SPATA22: variants seen among roughly 807,000 people sequenced by gnomAD.
SPATA22 encodes spermatogenesis associated 22, also known as spermatogenesis-associated protein 22.
SPATA22 carries 29 observed loss-of-function variants against 47.8 expected under a neutral mutation model. The ratio of observed to expected loss-of-function variants is 0.61; its 90% confidence interval spans 0.45 to 0.83. The LOEUF (loss-of-function observed/expected upper bound fraction) is 0.83. Among genes scored for constraint, SPATA22 ranks in the 40% least tolerant of loss-of-function variants. SPATA22 has a pLI of 0.00. For synonymous variants in SPATA22, 133 were observed against 140.9 expected, an observed-to-expected ratio of 0.94 and a Z score of 0.40; for missense variants, 410 against 421.7, an observed-to-expected ratio of 0.97 and a Z score of 0.24.
At chr17:3,467,246 G>T (rs1416201493) in intron 3 of SPATA22, among the ~76,000 whole-genome samples, 180 bp downstream of exon 3, 1 of 152,134 alleles carries the variant, frequency 6.6e-6, no homozygotes, top group Non-Finnish European at 1.5e-5. Flanking sequence ...AGCCACCCTT[G>T]TAGATAAGGA....
At chr17:3,471,872 C>G (rs73305600), upstream of SPATA22, 1 of 985,144 alleles carries the variant, frequency 1.0e-6, no homozygotes, top group Non-Finnish European at 1.2e-6. Flanking sequence ...GCCACCTCGG[C>G]GCGATGGCAT....
intron 7 of SPATA22, among the ~76,000 whole-genome samples, chr17:3,443,887 G>A (rs2072654741): frequency 6.6e-6 from 1 of 151,706 alleles, no homozygotes; most frequent in Non-Finnish European, 1.5e-5. Context: ...GTGTGTGTAA[G>A]AGCACCTACA....
chr17:3,470,490 C>T (rs1388534173), intron 1 of SPATA22, among the ~76,000 whole-genome samples: 1 of 152,136 alleles, frequency 6.6e-6, no homozygotes, highest in African/African-American at 2.4e-5. Context: ...TGGCTCACGC[C>T]TGTAATCCCA....
rs184244995 is a variant in SPATA22 at position 3,505,919 on chromosome 17, G to A, written c.-74+7493C>T. 7.9e-5 allele frequency among the ~76,000 whole-genome samples: 12 copies of A among 152,136 alleles called. No individual in the cohort carries two copies. The East Asian group carries it at 2.3e-3, about 29-fold the overall frequency. On this transcript the variant is annotated intron_variant, in intron 1 of 8. Coordinates refer to the SPATA22 transcript ENST00000541913. ...ATTACAGGCATGCGCCAGCAAGCCT[G>A]GCTAATTTTTATATTTTTAGTAGAG...
intron 1 of SPATA22, among the ~76,000 whole-genome samples, chr17:3,478,845 C>T (rs1329565024): frequency 2.0e-5 from 3 of 152,182 alleles, no homozygotes; most frequent in African/African-American, 7.2e-5. Flanking sequence ...GTGAAAATCA[C>T]CCTAGAACCT....
chr17:3,474,393 A>G (rs1451803317), upstream of SPATA22, among the ~76,000 whole-genome samples: 1 of 152,232 alleles, frequency 6.6e-6, no homozygotes, highest in Non-Finnish European at 1.5e-5. Context: ...GGACAGAACA[A>G]ACTACAAATC....
At chr17:3,444,100 T>C (rs993789178) in intron 7 of SPATA22, among the ~76,000 whole-genome samples, 1 of 152,030 alleles carries the variant, frequency 6.6e-6, no homozygotes, top group African/African-American at 2.4e-5. Flanking sequence ...CAAATTGTAA[T>C]TCATGTTTAT....
At chr17:3,509,344 G>A (rs1163930720) in intron 1 of SPATA22, among the ~76,000 whole-genome samples, 1 of 152,008 alleles carries the variant, frequency 6.6e-6, no homozygotes, top group African/African-American at 2.4e-5. Context: ...AGGCCCTGGT[G>A]TGTGTTGTTC....
chr17:3,485,517 AAAAC>A lies in SPATA22; in HGVS notation c.-73-16123_-73-16120del, dbSNP rs1177709890. 1.3e-5 allele frequency among the ~76,000 whole-genome samples: 2 copies of A among 152,214 alleles called. No individual in the cohort carries two copies. The highest frequency in any genetic ancestry group is 2.4e-5 in the African/African-American group (1 of 41,464). On this transcript the variant is annotated intron_variant, in intron 1 of 8. Coordinates refer to the SPATA22 transcript ENST00000541913. The surrounding 1 kb of genome is among the most constrained non-coding windows in gnomAD (Gnocchi z 4.4). The stretch of plus-strand genomic sequence containing the variant: ...AACAAAAGTGAAACTCCGTCTCAAA[AAAAC>A]AAACAAACAAAAATACTAGCCATCT...
intron 1 of SPATA22, chr17:3,511,808 T>C (rs2074117254): frequency 6.6e-6 from 1 of 152,204 alleles, no homozygotes; most frequent in South Asian, 2.1e-4. Context: ...GATACGGCTT[T>C]ATCCATAACA....
chr17:3,463,884 GACAA>G (rs1247690875), intron 3 of SPATA22, among the ~76,000 whole-genome samples: 1 of 149,768 alleles, frequency 6.7e-6, no homozygotes, highest in African/African-American at 2.5e-5. Context: ...AATGGATCAA[GACAA>G]ACATTTTAAA....
intron 5 of SPATA22, among the ~76,000 whole-genome samples, chr17:3,461,615 T>C (rs1334452128): frequency 1.3e-5 from 2 of 152,260 alleles, no homozygotes; most frequent in East Asian, 3.9e-4. Context: ...GAAACTAGCA[T>C]GAATAATAAA....
chr17:3,499,071 C>T lies in SPATA22; in HGVS notation c.-74+14341G>A, dbSNP rs755140673. 9 of 1,613,972 alleles carry T rather than the reference C, an allele frequency of 5.6e-6. No individual in the cohort carries two copies. The highest frequency in any genetic ancestry group is 5.0e-5 in the Admixed American group (3 of 60,004). ...ACTAACGCTCAATGCAAAAAGTATT[C>T]GCTGCTGTTTACATTAGAAATCACT... On this transcript the variant is annotated intron_variant, in intron 1 of 8. Coordinates refer to the SPATA22 transcript ENST00000541913.
intron 1 of SPATA22, among the ~76,000 whole-genome samples, chr17:3,496,863 G>A (rs541777247): frequency 5.7e-4 from 86 of 152,124 alleles, no homozygotes; most frequent in African/African-American, 1.9e-3. Context: ...TCAGGAGATC[G>A]AGACCATCCT....
intron 1 of SPATA22, among the ~76,000 whole-genome samples, chr17:3,509,213 A>G (rs985693353): frequency 1.8e-4 from 27 of 151,414 alleles, no homozygotes; most frequent in African/African-American, 5.6e-4. Flanking sequence ...CAAAAAAAAA[A>G]GGGGGGGATA....
chr17:3,459,384 C>T (rs1291381675), intron 5 of SPATA22, among the ~76,000 whole-genome samples: 1 of 152,052 alleles, frequency 6.6e-6, no homozygotes, highest in Non-Finnish European at 1.5e-5. Context: ...AGGTTGTACA[C>T]CTTAAATATA....
chr17:3,440,484 A>T, intron 8 of SPATA22, 146 bp from the exon 9 acceptor site: 3 of 573,708 alleles, frequency 5.2e-6, no homozygotes, highest in Non-Finnish European at 8.9e-6. Context: ...TGCTAACAAG[A>T]CAATGATAGT....
At chr17:3,442,190 TAC>T (rs1248183999) in intron 8 of SPATA22, among the ~76,000 whole-genome samples, 21 of 152,198 alleles carry the variant, frequency 1.4e-4, no homozygotes, top group Admixed American at 1.4e-3. Context: ...ATAAAAATAA[TAC>T]ACATTCAAGA....
In SPATA22 at chr17:3,493,852, G is replaced by T. The variant is rs1405938181; in HGVS notation, c.-74+19560C>A. Reference sequence around the variant, plus strand: ...TTTTTCAGTTCTGTTTTCTACCTCTGGCCGTCGGCGTGTTTGTGGACAGAG... The same window carrying T: ...TTTTTCAGTTCTGTTTTCTACCTCTTGCCGTCGGCGTGTTTGTGGACAGAG... On this transcript the variant is annotated intron_variant, in intron 1 of 8. Coordinates refer to the SPATA22 transcript ENST00000541913. Among the ~76,000 whole-genome samples the T allele has an allele frequency of 3.3e-5, 5 of 152,132 alleles. No homozygotes were observed. In the East Asian group the frequency reaches 9.7e-4, roughly 29 times the overall value.
Sources: gnomAD v4.1 joint callset for allele counts (sites outside exome capture counted in the v4.1 genomes callset) on GRCh38, gnomAD v4.1.1 for gene constraint, Gnocchi (gnomAD v3.1) non-coding constraint, MANE v1.5 for transcripts, NCBI Gene and HGNC (gene_info 2026-07-23, HGNC 2026-07-21) for gene names.